The following CHRNB1 variants were observed in gnomAD, a reference collection of about 807,000 sequenced individuals.
CHRNB1 encodes the protein cholinergic receptor nicotinic beta 1 subunit.
In CHRNB1, 47 loss-of-function variants were observed where a neutral mutation model predicts 53.8. That is an observed-to-expected ratio of 0.87 (90% CI 0.69 to 1.11). The LOEUF is 1.11. Among genes scored for constraint, CHRNB1 ranks in the 50% most tolerant of loss-of-function variants. The pLI, the probability that CHRNB1 is intolerant of heterozygous loss-of-function variation, is 0.00. For missense variants in CHRNB1, 605 were observed against 654.9 expected (o/e 0.92, Z 0.83); for synonymous variants, 259 against 263.5 (o/e 0.98, Z 0.16).
rs536204964 is a variant in CHRNB1, at chr17:7,454,531, TCTC to T, written c.1044+19_1044+21del. The T allele has an allele frequency of 1.9e-4, 307 of 1,610,114 alleles. 1 individual carries two copies. Among genetic ancestry groups the T allele is most frequent in the Non-Finnish European group, 2.4e-4 (278 of 1,176,482 alleles). On this transcript the variant is annotated intron_variant, in intron 8 of 10. Transcript: ENST00000306071. ...CTTTGGGTCCGTCAGGTAAGAAAGA[TCTC>T]CTCCTCCAACCCCAATTTTCCTTTT...
rs1202334648 is a variant in CHRNB1, at chr17:7,457,679, A to G, written c.*956A>G. ...TTTATTATGTTTTGTAATGTGTACT[A>G]TCTCTGGGATTAAAAAAAGTTATTT... On this transcript the variant is annotated 3_prime_UTR_variant, in exon 11 of 11. Transcript: ENST00000306071. 2 of 152,162 alleles carry G rather than the reference A, an allele frequency of 1.3e-5. No homozygotes were observed. Among genetic ancestry groups the G allele is most frequent in the Non-Finnish European group, 2.9e-5 (2 of 68,030 alleles). The allele number at this position is 152,162 out of a possible 1,614,324, so 9.4% of individuals were successfully genotyped here. A position where few individuals can be genotyped will look rare whatever the true frequency, so the allele number is the denominator to read the frequency against.
chr17:7,455,843 C>T lies in CHRNB1; in HGVS notation c.1267C>T (p.Pro423Ser). ...TGATCTGCGGCGATTTATCGATGGT[C>T]CAAACCGGGCTGTGGCCCTGCTTCC... The part of the protein sequence containing the change: ...APDLRRFIDG[P>S]NRAVALLPEL... The change falls in exon 10 of 11, where the codon CCA becomes TCA. Residue 423 changes from proline to serine, a missense_variant. Transcript: ENST00000306071. The T allele has an allele frequency of 6.2e-7, 1 of 1,614,090 alleles. No homozygotes were observed. The highest frequency in any genetic ancestry group is 8.5e-7 in the Non-Finnish European group (1 of 1,180,032).
rs148533702 is a variant in CHRNB1, at chr17:7,456,641, T to G, written c.1424T>G (p.Phe475Cys). 1 of 1,614,106 alleles carries G rather than the reference T, an allele frequency of 6.2e-7. No individual in the cohort carries two copies. The highest frequency in any genetic ancestry group is 1.1e-5 in the South Asian group (1 of 91,086). Residue 475 changes from phenylalanine (F) to cysteine (C), a missense_variant, in exon 11 of 11, where the codon TTC becomes TGC. By Grantham distance (205) the Phe-to-Cys change is radical. Transcript: ENST00000306071. ...MVVDRLFLWT[F>C]IIFTSVGTLV... ...GTGGACCGCCTCTTCCTGTGGACTTTCATCATCTTCACCAGCGTTGGGACC... is the reference window on the plus strand; with the variant it reads ...GTGGACCGCCTCTTCCTGTGGACTTGCATCATCTTCACCAGCGTTGGGACC...
intron 7 of CHRNB1, among the ~76,000 whole-genome samples, chr17:7,450,295 C>G (rs925685176): frequency 3.3e-5 from 5 of 152,026 alleles, no homozygotes; most frequent in African/African-American, 1.2e-4. Context: ...AGGTGCCCAC[C>G]ACCATGCCTG....
Position 7,455,620 on chromosome 17 carries a change from CAG to C in CHRNB1, c.1217+167_1217+168del. On this transcript the variant is annotated intron_variant, in intron 9 of 10. Coordinates refer to ENST00000306071, the MANE Select transcript of CHRNB1 (RefSeq NM_000747.3). ...CTTTGAGGGGAGGTGGGAACTAAAA[CAG>C]AGGCGGTGGAAGAAGTTGCACAAGG... The C allele has an allele frequency of 4.1e-6, 5 of 1,207,676 alleles. No individual in the cohort carries two copies. The East Asian group carries it at 7.1e-5, about 17-fold the overall frequency. 74.8% of individuals were successfully genotyped at this position (1,207,676 alleles called of 1,614,324 possible). A position where few individuals can be genotyped will look rare whatever the true frequency, so the allele number is the denominator to read the frequency against.
chr17:7,448,638 C>G lies in CHRNB1; in HGVS notation c.670C>G (p.Pro224Ala). Residue 224 changes from proline (P) to alanine (A), a missense_variant, in exon 7 of 11, where the codon CCT becomes GCT. By Grantham distance (27) the Pro-to-Ala change is conservative. Transcript: ENST00000306071. ...PSRLIQPPGD[P>A]RGGREGQRQE... ...TCGGCTAATCCAGCCTCCAGGCGAT[C>G]CTAGGGGAGGGAGGGAAGGACAGCG... is the stretch of plus-strand genomic sequence containing the variant. 1 of 1,614,138 alleles carries G rather than the reference C, an allele frequency of 6.2e-7. No homozygotes were observed. The highest frequency in any genetic ancestry group is 8.5e-7 in the Non-Finnish European group (1 of 1,180,022).
chr17:7,451,238 G>A (rs971135875), intron 7 of CHRNB1, among the ~76,000 whole-genome samples: 1 of 151,088 alleles, frequency 6.6e-6, no homozygotes, highest in African/African-American at 2.4e-5. Context: ...CATGTGTTGG[G>A]TGGATGTTTC....
intron 3 of CHRNB1, 101 bp downstream of exon 3, chr17:7,446,214 T>G (rs931192277): frequency 9.7e-7 from 1 of 1,027,060 alleles, no homozygotes; most frequent in Admixed American, 1.8e-5. Flanking sequence ...TGACTTTAGA[T>G]AACACGTTTA....
At chr17:7,450,260 C>T (rs1908839581) in intron 7 of CHRNB1, among the ~76,000 whole-genome samples, 1 of 151,570 alleles carries the variant, frequency 6.6e-6, no homozygotes, top group African/African-American at 2.4e-5. Flanking sequence ...TCTCCTGCTT[C>T]AGCCTCCTGA....
chr17:7,454,822 A>C (rs1325678953), intron 8 of CHRNB1, among the ~76,000 whole-genome samples: 1 of 29,678 alleles, frequency 3.4e-5, no homozygotes, highest in African/African-American at 1.5e-4. Flanking sequence ...TTTTTTTTTG[A>C]GATGGAGTTT....
At position 7,447,667 on chromosome 17, in the gene CHRNB1, C is replaced by T. The variant is rs768430804; in HGVS notation, c.610+17C>T. On this transcript the variant is annotated intron_variant, in intron 6 of 10. Transcript: ENST00000306071. Reference sequence around the variant, plus strand: ...CTTTCATTGGTGAGTAGGCATGGCTCCTACATCCATGGGCTCTATCATTTC... The same window carrying T: ...CTTTCATTGGTGAGTAGGCATGGCTTCTACATCCATGGGCTCTATCATTTC... The T allele has an allele frequency of 1.9e-6, 3 of 1,614,056 alleles. No homozygotes were observed. Among genetic ancestry groups the T allele is most frequent in the South Asian group, 1.1e-5 (1 of 91,074 alleles).
At position 7,447,604 on chromosome 17, in the gene CHRNB1, C is replaced by T. The variant is rs77592498; in HGVS notation, c.564C>T (p.Asp188=). The change falls in exon 6 of 11, where the codon GAC becomes GAT. Residue 188 remains aspartate (D), a synonymous_variant. Transcript: ENST00000306071. ...EVSLQTGLGP[D]GQGHQEIHIH... is the part of the protein sequence containing the mutation. ...GCCTGCAGACAGGCCTGGGTCCTGA[C>T]GGGCAAGGGCATCAGGAAATCCACA... 487 of 1,614,190 alleles carry T rather than the reference C, an allele frequency of 3.0e-4. No individual in the cohort carries two copies. The highest frequency in any genetic ancestry group is 3.9e-4 in the Non-Finnish European group (461 of 1,180,026).
At position 7,445,260 on chromosome 17, in the gene CHRNB1, C is replaced by G. The variant is rs1258019640; in HGVS notation, c.59-10C>G. 1 of 1,612,686 alleles carries G rather than the reference C, an allele frequency of 6.2e-7. No homozygotes were observed. On this transcript the variant is annotated splice_polypyrimidine_tract_variant and intron_variant, in intron 1 of 10. Transcript: ENST00000306071. This position sits in a 1 kb window ranked among gnomAD's most constrained non-coding sequence, Gnocchi z 5.7. ...GGCACCAGGGCTGCACTTATTCTCT[C>G]CTCCCCCAGGCGTCCGCGGCTCGGA...
rs2069958354 is a variant in CHRNB1, at chr17:7,456,890, G to C, written c.*167G>C. 1.3e-6 allele frequency: 1 copy of C among 797,320 alleles called. No homozygotes were observed. The highest frequency in any genetic ancestry group is 2.5e-5 in the Admixed American group (1 of 40,394). The allele number at this position is 797,320 out of a possible 1,614,324, so 49.4% of individuals were successfully genotyped here. On this transcript the variant is annotated 3_prime_UTR_variant, in exon 11 of 11. Coordinates refer to ENST00000306071, the MANE Select transcript of CHRNB1 (RefSeq NM_000747.3). ...TGAGGGCTGGGTAGGCAGGTGTCTT[G>C]GACCCACCTGAAATGCAGTATCATC...
chr17:7,445,376 C>T lies in CHRNB1; in HGVS notation c.165C>T (p.Ser55=). The stretch of plus-strand genomic sequence containing the variant: ...AGGTGGGAGACCGTGTCAGGGTCAG[C>T]GTTGGTCTCATCCTGGCGCAACTCA... ...AREVGDRVRV[S]VGLILAQLIS... The change falls in exon 2 of 11, where the codon AGC becomes AGT. Residue 55 remains serine, a synonymous_variant. Transcript: ENST00000306071. This position sits in a 1 kb window ranked among gnomAD's most constrained non-coding sequence, Gnocchi z 5.7. 6.2e-7 allele frequency: 1 copy of T among 1,612,716 alleles called. No homozygotes were observed. The highest frequency in any genetic ancestry group is 8.5e-7 in the Non-Finnish European group (1 of 1,179,790).
chr17:7,447,508 C>G lies in CHRNB1; in HGVS notation c.468C>G (p.Thr156=). The G allele has an allele frequency of 6.2e-7, 1 of 1,614,202 alleles. No homozygotes were observed. Among genetic ancestry groups the G allele is most frequent in the Non-Finnish European group, 8.5e-7 (1 of 1,180,046 alleles). ...IYRSSCSIQV[T]YFPFDWQNCT... is the part of the protein sequence containing the mutation. Reference sequence around the variant, plus strand: ...TGACTCTCTCCTCCATCCAGGTCACCTACTTCCCCTTCGACTGGCAGAATT... The same window carrying G: ...TGACTCTCTCCTCCATCCAGGTCACGTACTTCCCCTTCGACTGGCAGAATT... The change falls in exon 6 of 11, where the codon ACC becomes ACG. Residue 156 remains threonine (T), a synonymous_variant. Transcript: ENST00000306071.
chr17:7,455,263 T>A, intron 8 of CHRNB1, 21 bp from the exon 9 acceptor site: 2 of 1,613,852 alleles, frequency 1.2e-6, no homozygotes, highest in Non-Finnish European at 1.7e-6. Flanking sequence ...CCCCCACCAA[T>A]ACGCCTCTTC....
rs755557060 is a variant in CHRNB1 at position 7,455,305 on chromosome 17, C to T, written c.1066C>T (p.Leu356=). 5 of 1,614,028 alleles carry T rather than the reference C, an allele frequency of 3.1e-6. No individual in the cohort carries two copies. In the African/African-American group the frequency reaches 4.0e-5, roughly 13 times the overall value. Residue 356 remains leucine (L), a synonymous_variant, in exon 9 of 11, where the codon CTG becomes TTG. Transcript: ENST00000306071. Reference sequence around the variant, plus strand: ...GCAGATCTTCATTCACAAACTTCCGCTGTACCTGCGTCTAAAAAGGCCCAA... The same window carrying T: ...GCAGATCTTCATTCACAAACTTCCGTTGTACCTGCGTCTAAAAAGGCCCAA... The part of the protein sequence containing the change: ...VRQIFIHKLP[L]YLRLKRPKPE...
At position 7,445,099 on chromosome 17, in the gene CHRNB1, AG is replaced by A. The variant is rs1469018234; in HGVS notation, c.-28del. On this transcript the variant is annotated 5_prime_UTR_variant, in exon 1 of 11. Coordinates refer to ENST00000306071, the MANE Select transcript of CHRNB1 (RefSeq NM_000747.3). The surrounding 1 kb of genome is among the most constrained non-coding windows in gnomAD (Gnocchi z 5.7). ...TGCTGGCGGTCCCAGCGGCTCTCTG[AG>A]CGAAGTCACTGAGCGAGCCGCCAGG... 1 of 1,603,246 alleles carries A rather than the reference AG, an allele frequency of 6.2e-7. No individual in the cohort carries two copies. Among genetic ancestry groups the A allele is most frequent in the African/African-American group, 1.3e-5 (1 of 74,852 alleles).
Sources: allele counts gnomAD v4.1 joint callset (sites outside exome capture counted in the v4.1 genomes callset), GRCh38; gene constraint gnomAD v4.1.1; non-coding constraint Gnocchi (gnomAD v3.1); transcripts MANE v1.5; gene names NCBI Gene and HGNC (gene_info 2026-07-23, HGNC 2026-07-21).